The following PDPR variants were observed in gnomAD, a reference collection of about 807,000 sequenced individuals.
The protein encoded by PDPR is pyruvate dehydrogenase phosphatase regulatory subunit.
In PDPR, 50 loss-of-function variants were observed where a neutral mutation model predicts 102.2. The observed-to-expected ratio is 0.49, with a 90% CI of 0.39 to 0.62. The LOEUF (loss-of-function observed/expected upper bound fraction) is 0.62. PDPR is among the 20% of genes least tolerant of loss of function. The probability of loss-of-function intolerance (pLI) is 0.00; values close to 1 mark genes in which losing one functional copy is unlikely to be tolerated. For missense variants in PDPR, 625 were observed against 1,098.2 expected (o/e 0.57, Z 6.09); for synonymous variants, 259 against 406.0 (o/e 0.64, Z 4.35).
downstream of PDPR, among the ~76,000 whole-genome samples, chr16:70,163,325 C>G: frequency 6.6e-6 from 1 of 151,462 alleles, no homozygotes; most frequent in Non-Finnish European, 1.5e-5. Flanking sequence ...ATGTTTACAA[C>G]AATCTCTTCA....
chr16:70,128,543 T>C (rs1964212632), intron 4 of PDPR, among the ~76,000 whole-genome samples: 1 of 152,250 alleles, frequency 6.6e-6, no homozygotes, highest in Admixed American at 6.5e-5. Flanking sequence ...TCTCATTTGA[T>C]CCTCACAACC....
In PDPR at chr16:70,157,905, C is replaced by T; in HGVS notation, c.*1026C>T. 6.5e-6 allele frequency: 1 copy of T among 154,840 alleles called. No homozygotes were observed. The highest frequency in any genetic ancestry group is 1.4e-5 in the Non-Finnish European group (1 of 69,668). 9.6% of individuals were successfully genotyped at this position (154,840 alleles called of 1,614,324 possible). A position where few individuals can be genotyped will look rare whatever the true frequency, so the allele number is the denominator to read the frequency against. ...CTTTAGAATAGGGAGGGGAAGGGAT[C>T]AGGTGTGTTGTCCTGGGCCTTTCAA... On this transcript the variant is annotated 3_prime_UTR_variant, in exon 19 of 19. Transcript: ENST00000288050.
chr16:70,129,584 G>A (rs1964331917), intron 6 of PDPR, among the ~76,000 whole-genome samples: 1 of 152,250 alleles, frequency 6.6e-6, no homozygotes, highest in African/African-American at 2.4e-5. Flanking sequence ...CCTGACCTCA[G>A]ATGATCCACC....
At chr16:70,125,305 G>A (rs1391687182) in intron 3 of PDPR, among the ~76,000 whole-genome samples, 1 of 152,242 alleles carries the variant, frequency 6.6e-6, no homozygotes, top group Non-Finnish European at 1.5e-5. Flanking sequence ...GAACCTGGGA[G>A]GTGGAGGTTG....
chr16:70,134,621 C>G (rs1043223776), intron 9 of PDPR, among the ~76,000 whole-genome samples: 1 of 151,176 alleles, frequency 6.6e-6, no homozygotes, highest in Non-Finnish European at 1.5e-5. Flanking sequence ...GGCAAAAACC[C>G]GTCTAAATAT....
intron 16 of PDPR, among the ~76,000 whole-genome samples, chr16:70,148,039 A>G (rs1268585234): frequency 6.6e-6 from 1 of 152,232 alleles, no homozygotes; most frequent in African/African-American, 2.4e-5. Context: ...ATAGCAGATT[A>G]ATTATGTCTG....
rs62051658 is a variant in PDPR at position 70,160,761 on chromosome 16, G to A, written c.*3882G>A. Reference sequence around the variant, plus strand: ...TGCCGTTGCATGCATTTGAAAGTTAGCCTCCTCCCTTGCCACCGTCTTGGT... The same window carrying A: ...TGCCGTTGCATGCATTTGAAAGTTAACCTCCTCCCTTGCCACCGTCTTGGT... On this transcript the variant is annotated 3_prime_UTR_variant, in exon 19 of 19. Transcript: ENST00000288050. 0.23 allele frequency: 33,347 copies of A among 144,084 alleles called. 1,000 individuals carry two copies. The highest frequency in any genetic ancestry group is 0.26 in the East Asian group (1,299 of 5,060). 8.9% of individuals were successfully genotyped at this position (144,084 alleles called of 1,614,324 possible). A position where few individuals can be genotyped will look rare whatever the true frequency, so the allele number is the denominator to read the frequency against.
At chr16:70,146,835 T>C (rs1597367952) in intron 16 of PDPR, among the ~76,000 whole-genome samples, 1 of 64,166 alleles carries the variant, frequency 1.6e-5, no homozygotes, top group Non-Finnish European at 3.2e-5. Flanking sequence ...GCCATTGCAC[T>C]CCAGGCTGGC....
intron 2 of PDPR, among the ~76,000 whole-genome samples, chr16:70,119,940 G>A (rs1270609608): frequency 6.7e-5 from 10 of 149,104 alleles, no homozygotes; most frequent in Non-Finnish European, 1.3e-4. Context: ...TTTTTGAGAC[G>A]GAGTCTCGCT....
chr16:70,126,529 A>G (rs1963986702), intron 3 of PDPR, among the ~76,000 whole-genome samples: 2 of 152,286 alleles, frequency 1.3e-5, no homozygotes, highest in Admixed American at 6.5e-5. Context: ...ATGCCTGGCT[A>G]ATTTTTTGTA....
chr16:70,145,853 G>C, intron 15 of PDPR: 1 of 484,470 alleles, frequency 2.1e-6, no homozygotes, highest in Non-Finnish European at 3.8e-6. Context: ...TGGGGTTGGG[G>C]CTTCTTCCAT....
intron 17 of PDPR, among the ~76,000 whole-genome samples, chr16:70,152,464 G>C (rs1177532009): frequency 1.3e-5 from 2 of 152,282 alleles, no homozygotes; most frequent in African/African-American, 4.8e-5. Context: ...ATGGCAGTGA[G>C]CCGAGATCGC....
Position 70,162,444 on chromosome 16 carries a change from CTG to C in PDPR, c.*5568_*5569del, listed in dbSNP as rs1199765362. 4 of 152,464 alleles carry C rather than the reference CTG, an allele frequency of 2.6e-5. No homozygotes were observed. Among genetic ancestry groups the C allele is most frequent in the Admixed American group, 6.5e-5 (1 of 15,286 alleles). 9.4% of individuals were successfully genotyped at this position (152,464 alleles called of 1,614,324 possible). The stretch of plus-strand genomic sequence containing the variant: ...TGCCCCTGTGAATGTGGCACTAACA[CTG>C]TGCACTGTCTCCACCAAGCAAGGTT... On this transcript the variant is annotated 3_prime_UTR_variant, in exon 19 of 19. Transcript: ENST00000288050.
Position 70,156,837 on chromosome 16 carries a change from C to T in PDPR, c.2598C>T (p.Arg866=). 6.2e-7 allele frequency: 1 copy of T among 1,614,026 alleles called. No individual in the cohort carries two copies. ...TCGCCTCCCTCTTCACCCAGAAGCGCCGAAAGGATGACATGGAGCTGAGTG... is the reference window on the plus strand; with the variant it reads ...TCGCCTCCCTCTTCACCCAGAAGCGTCGAAAGGATGACATGGAGCTGAGTG... The part of the protein sequence containing the change: ...YPVASLFTQK[R]RKDDMELSDL... The change falls in exon 19 of 19, where the codon CGC becomes CGT. Residue 866 remains arginine (R), a synonymous_variant. Coordinates refer to ENST00000288050, the MANE Select transcript of PDPR (RefSeq NM_017990.5).
At chr16:70,126,139 C>G (rs1428707654) in intron 3 of PDPR, among the ~76,000 whole-genome samples, 1 of 152,260 alleles carries the variant, frequency 6.6e-6, no homozygotes, top group Admixed American at 6.5e-5. Flanking sequence ...TATGATTGTT[C>G]CATTTTGGTA....
chr16:70,116,259 T>G (rs1427045637), intron 2 of PDPR, among the ~76,000 whole-genome samples: 1 of 139,620 alleles, frequency 7.2e-6, no homozygotes, highest in Non-Finnish European at 1.6e-5. Context: ...CTGTTTTTAG[T>G]AGAGACGGGG....
intron 9 of PDPR, among the ~76,000 whole-genome samples, chr16:70,135,686 C>G (rs1452255998): frequency 4.6e-5 from 7 of 152,282 alleles, no homozygotes; most frequent in Non-Finnish European, 1.0e-4. Flanking sequence ...TTTCCTCAGT[C>G]TTTATACCAA....
intron 3 of PDPR, among the ~76,000 whole-genome samples, chr16:70,126,072 C>CTT (rs1293739858): frequency 6.6e-6 from 1 of 152,258 alleles, no homozygotes; most frequent in Non-Finnish European, 1.5e-5. Flanking sequence ...TATTTTTTCT[C>CTT]TTTTTTATAT....
intron 17 of PDPR, among the ~76,000 whole-genome samples, chr16:70,151,755 C>T (rs961525294): frequency 5.9e-5 from 9 of 152,190 alleles, no homozygotes; most frequent in Non-Finnish European, 8.8e-5. Context: ...ATTTGTGCCA[C>T]GCTTGGGTTC....
Sources: gnomAD v4.1 joint callset for allele counts (sites outside exome capture counted in the v4.1 genomes callset) on GRCh38, gnomAD v4.1.1 for gene constraint, MANE v1.5 for transcripts, NCBI Gene and HGNC (gene_info 2026-07-23, HGNC 2026-07-21) for gene names.